Variants in TSPAN4 observed in about 807,000 individuals in gnomAD.
TSPAN4 encodes tetraspanin-4.
In TSPAN4, 38 loss-of-function variants were observed where a neutral mutation model predicts 31.5. The observed-to-expected ratio is 1.21, with a 90% CI of 0.93 to 1.58. The LOEUF is 1.58. TSPAN4 is among the 40% of genes most tolerant of loss of function. TSPAN4 has a pLI of 0.00. For missense variants in TSPAN4, 330 were observed against 317.3 expected, an observed-to-expected ratio of 1.04 and a Z score of -0.30; for synonymous variants, 186 against 144.6, an observed-to-expected ratio of 1.29 and a Z score of -2.06.
intron 3 of TSPAN4, among the ~76,000 whole-genome samples, chr11:854,808 G>A (rs996974656): frequency 2.0e-5 from 3 of 152,230 alleles, no homozygotes; most frequent in African/African-American, 7.2e-5. Context: ...TGGCATGGCC[G>A]GCCTGCCTGG....
intron 3 of TSPAN4, among the ~76,000 whole-genome samples, chr11:860,961 G>A (rs1309364235): frequency 1.3e-5 from 2 of 152,196 alleles, no homozygotes; most frequent in African/African-American, 4.8e-5. Context: ...CTGCAGACCG[G>A]GAGCTGGTCA....
rs191394338 is a variant in TSPAN4 at position 848,665 on chromosome 11, C to T, written c.-18+1365C>T. On this transcript the variant is annotated intron_variant, in intron 2 of 8. Coordinates refer to ENST00000397397, the MANE Select transcript of TSPAN4 (RefSeq NM_003271.5). This position sits in a 1 kb window ranked among gnomAD's most constrained non-coding sequence, Gnocchi z 5.7. Reference sequence around the variant, plus strand: ...GCCATGGAGCACCCCCTTCCCCTCCCTTAGCTTCCTCTCCCTCCTCTTCCT... The same window carrying T: ...GCCATGGAGCACCCCCTTCCCCTCCTTTAGCTTCCTCTCCCTCCTCTTCCT... 3.6e-5 allele frequency: 18 copies of T among 497,300 alleles called. No homozygotes were observed. The highest frequency in any genetic ancestry group is 5.7e-5 in the Non-Finnish European group (16 of 279,804). The allele number at this position is 497,300 out of a possible 1,614,324, so 30.8% of individuals were successfully genotyped here.
At chr11:851,098 A>G (rs931658876) in intron 3 of TSPAN4, among the ~76,000 whole-genome samples, 2 of 152,310 alleles carry the variant, frequency 1.3e-5, no homozygotes, top group African/African-American at 4.8e-5. Context: ...GAGGGCGGAC[A>G]GGGTTCCACC....
At chr11:864,776 G>A (rs1357658050) in intron 5 of TSPAN4, 11 of 562,486 alleles carry the variant, frequency 2.0e-5, no homozygotes, top group East Asian at 1.5e-4. Context: ...GCCCTCTGAC[G>A]CAGCGTCCTG....
chr11:843,858 G>C (rs1267978759), intron 1 of TSPAN4: 6 of 153,116 alleles, frequency 3.9e-5, no homozygotes, highest in African/African-American at 1.4e-4. Flanking sequence ...CGCTTTCTCA[G>C]GGCAATGCTG....
At position 848,062 on chromosome 11, in the gene TSPAN4, G is replaced by A. The variant is rs1044319559; in HGVS notation, c.-18+762G>A. On this transcript the variant is annotated intron_variant, in intron 2 of 8. Transcript: ENST00000397397. The surrounding 1 kb of genome is among the most constrained non-coding windows in gnomAD (Gnocchi z 5.7). The stretch of plus-strand genomic sequence containing the variant: ...TGGCCCACGAGTAGGTGCTCTGAGC[G>A]CTGCCCAGGTCACATGTGAGCTCCC... Among the ~76,000 whole-genome samples the A allele has an allele frequency of 6.6e-6, 1 of 152,200 alleles. No individual in the cohort carries two copies. Among genetic ancestry groups the A allele is most frequent in the African/African-American group, 2.4e-5 (1 of 41,442 alleles).
At chr11:846,650 G>T (rs1847338218) in intron 1 of TSPAN4, among the ~76,000 whole-genome samples, 1 of 152,204 alleles carries the variant, frequency 6.6e-6, no homozygotes, top group Non-Finnish European at 1.5e-5. Flanking sequence ...GGTGGAGGAG[G>T]GCCTTGCGGG....
chr11:854,119 C>T (rs1030407242), intron 3 of TSPAN4, among the ~76,000 whole-genome samples: 3 of 152,200 alleles, frequency 2.0e-5, no homozygotes, highest in African/African-American at 4.8e-5. Flanking sequence ...CTGCTCTTCC[C>T]GCCTGTCAGG....
Position 848,953 on chromosome 11 carries a change from G to A in TSPAN4, c.-17-1335G>A, listed in dbSNP as rs1182718522. On this transcript the variant is annotated intron_variant, in intron 2 of 8. Transcript: ENST00000397397. This position sits in a 1 kb window ranked among gnomAD's most constrained non-coding sequence, Gnocchi z 5.7. ...GGGCCGGTATGTCTGTACCTGTCAA[G>A]GGGTGGGGTGGGGTCTTTTACAGGC... The A allele has an allele frequency of 1.4e-6, 1 of 690,022 alleles. No homozygotes were observed. The highest frequency in any genetic ancestry group is 2.7e-6 in the Non-Finnish European group (1 of 371,738). The allele number at this position is 690,022 out of a possible 1,614,324, so 42.7% of individuals were successfully genotyped here.
intron 3 of TSPAN4, among the ~76,000 whole-genome samples, chr11:861,720 A>C (rs1848468861): frequency 6.6e-6 from 1 of 151,562 alleles, no homozygotes; most frequent in Admixed American, 6.6e-5. Flanking sequence ...TCAAAAAAAA[A>C]ACAAAAAAGA....
Position 865,831 on chromosome 11 carries a change from T to A in TSPAN4, c.564+6T>A, listed in dbSNP as rs376499083. 2.4e-5 allele frequency: 38 copies of A among 1,612,022 alleles called. No homozygotes were observed. In the African/African-American group the frequency reaches 2.8e-4, roughly 12 times the overall value. On this transcript the variant is annotated splice_donor_region_variant and intron_variant, in intron 7 of 8. Transcript: ENST00000397397. ...CCGGCACCTGGTGGAAGGCGGTGAG[T>A]GAGACCCCCACCCTGGGGGCTGGTA...
rs1276976665 is a variant in TSPAN4, at chr11:848,267, C to T, written c.-18+967C>T. Among the ~76,000 whole-genome samples the T allele has an allele frequency of 6.6e-6, 1 of 152,188 alleles. No homozygotes were observed. Among genetic ancestry groups the T allele is most frequent in the Non-Finnish European group, 1.5e-5 (1 of 68,016 alleles). On this transcript the variant is annotated intron_variant, in intron 2 of 8. Coordinates refer to ENST00000397397, the MANE Select transcript of TSPAN4 (RefSeq NM_003271.5). This position sits in a 1 kb window ranked among gnomAD's most constrained non-coding sequence, Gnocchi z 5.7. ...CCGATGCGTGGCCGCCGTTCTGACC[C>T]ATTCCTGGGGCCCAGACCCACCAAA...
At chr11:866,039 T>C in intron 8 of TSPAN4, 38 bp downstream of exon 8, 1 of 1,602,078 alleles carries the variant, frequency 6.2e-7, no homozygotes, top group Non-Finnish European at 8.5e-7. Context: ...TGCCCCCACT[T>C]TGTTAGGACC....
chr11:847,672 T>C (rs1025636594), intron 2 of TSPAN4, among the ~76,000 whole-genome samples: 4 of 149,696 alleles, frequency 2.7e-5, no homozygotes, highest in African/African-American at 9.8e-5. Flanking sequence ...TGATTTCTTC[T>C]TGAATAGGCT....
At chr11:860,580 C>T (rs1241636255) in intron 3 of TSPAN4, among the ~76,000 whole-genome samples, 2 of 152,174 alleles carry the variant, frequency 1.3e-5, no homozygotes, top group Non-Finnish European at 2.9e-5. Context: ...CTGTCTTGAG[C>T]TGGGCTGGTG....
At chr11:864,286 G>A (rs1034702607) in intron 4 of TSPAN4, 151 bp from the exon 5 acceptor site, 8 of 861,682 alleles carry the variant, frequency 9.3e-6, no homozygotes, top group African/African-American at 8.3e-5. Context: ...AGGTGGGGGC[G>A]GCGTTCTGGG....
At position 858,641 on chromosome 11, in the gene TSPAN4, G is replaced by A. The variant is rs969061115; in HGVS notation, c.64-3909G>A. 2.4e-4 allele frequency: 27 copies of A among 113,304 alleles called. No individual in the cohort carries two copies. In the South Asian group the frequency reaches 5.0e-3, roughly 21 times the overall value. 7.0% of individuals were successfully genotyped at this position (113,304 alleles called of 1,614,324 possible). A position where few individuals can be genotyped will look rare whatever the true frequency, so the allele number is the denominator to read the frequency against. On this transcript the variant is annotated intron_variant, in intron 3 of 8. Coordinates refer to ENST00000397397, the MANE Select transcript of TSPAN4 (RefSeq NM_003271.5). ...ACGCACTCCGGCCCACACGCACCCC[G>A]CTCACACACCCTGCTCACCCAGTTC...
chr11:860,903 C>T (rs565326216), intron 3 of TSPAN4, among the ~76,000 whole-genome samples: 3 of 152,292 alleles, frequency 2.0e-5, no homozygotes, highest in Non-Finnish European at 4.4e-5. Flanking sequence ...AACCAGTCAA[C>T]CGTCGGCACC....
At chr11:852,295 T>C (rs1259722529) in intron 3 of TSPAN4, among the ~76,000 whole-genome samples, 1 of 152,176 alleles carries the variant, frequency 6.6e-6, no homozygotes, top group Non-Finnish European at 1.5e-5. Flanking sequence ...GTCTAATTTT[T>C]GTATTTTTAG....
Sources: gnomAD v4.1 joint callset for allele counts (sites outside exome capture counted in the v4.1 genomes callset) on GRCh38, gnomAD v4.1.1 for gene constraint, Gnocchi (gnomAD v3.1) non-coding constraint, MANE v1.5 for transcripts, NCBI Gene and HGNC (gene_info 2026-07-23, HGNC 2026-07-21) for gene names.